ENTPD1: variants seen among roughly 807,000 people sequenced by gnomAD.
ENTPD1 encodes ectonucleoside triphosphate diphosphohydrolase 1.
Under a neutral mutation model 57.0 loss-of-function variants are expected in ENTPD1, and 33 were observed. That is an observed-to-expected ratio of 0.58 (90% CI 0.44 to 0.77). The LOEUF (loss-of-function observed/expected upper bound fraction) is 0.77, where lower values mean the gene tolerates loss of function less well. Ranked by LOEUF, ENTPD1 falls within the 30% of genes least tolerant of loss-of-function variation. The pLI, the probability that ENTPD1 is intolerant of heterozygous loss-of-function variation, is 0.00. For synonymous variants in ENTPD1, 202 were observed against 218.8 expected, an observed-to-expected ratio of 0.92 and a Z score of 0.68; for missense variants, 501 against 603.4, an observed-to-expected ratio of 0.83 and a Z score of 1.78.
At chr10:95,841,230 C>CA (rs1011802160) in intron 3 of ENTPD1, among the ~76,000 whole-genome samples, 9 of 152,054 alleles carry the variant, frequency 5.9e-5, no homozygotes, top group African/African-American at 1.9e-4. Flanking sequence ...ACTAAAAATA[C>CA]AAAAAAATTA....
At chr10:95,779,221 C>T (rs1300923672) in intron 1 of ENTPD1, among the ~76,000 whole-genome samples, 1 of 152,216 alleles carries the variant, frequency 6.6e-6, no homozygotes, top group East Asian at 1.9e-4. Flanking sequence ...GAGATCCTCT[C>T]CCATTTCTAC....
chr10:95,825,532 A>G (rs984412267), intron 2 of ENTPD1, among the ~76,000 whole-genome samples: 11 of 152,078 alleles, frequency 7.2e-5, no homozygotes, highest in African/African-American at 2.7e-4. Context: ...GTACTGATAC[A>G]TGTTTTTTGT....
At position 95,867,069 on chromosome 10, in the gene ENTPD1, T is replaced by C; in HGVS notation, c.*686T>C. The C allele has an allele frequency of 1.0e-6, 1 of 987,150 alleles. No individual in the cohort carries two copies. The highest frequency in any genetic ancestry group is 1.2e-6 in the Non-Finnish European group (1 of 831,130). The allele number at this position is 987,150 out of a possible 1,614,324, so 61.1% of individuals were successfully genotyped here. A position where few individuals can be genotyped will look rare whatever the true frequency, so the allele number is the denominator to read the frequency against. ...AGAGTGGAACACTCAGACCTGAGAT[T>C]TGCAAAAAGCAGATGTAAATATATG... On this transcript the variant is annotated 3_prime_UTR_variant, in exon 10 of 10. Transcript: ENST00000371205.
Position 95,791,583 on chromosome 10 carries a change from C to A in ENTPD1, c.17-31654C>A, listed in dbSNP as rs1398777510. Among the ~76,000 whole-genome samples the A allele has an allele frequency of 1.3e-5, 2 of 152,174 alleles. No individual in the cohort carries two copies. The highest frequency in any genetic ancestry group is 2.9e-5 in the Non-Finnish European group (2 of 68,034). The stretch of plus-strand genomic sequence containing the variant: ...ACATGTCTGGCAATGGCTTAGACTA[C>A]CTGGATATGCACTTCTGTCCCATCA... On this transcript the variant is annotated intron_variant, in intron 1 of 9. Coordinates refer to ENST00000371205, the MANE Select transcript of ENTPD1 (RefSeq NM_001776.6). This position sits in a 1 kb window ranked among gnomAD's most constrained non-coding sequence, Gnocchi z 4.1.
chr10:95,754,651 A>G (rs1297834410), upstream of ENTPD1: 2 of 152,254 alleles, frequency 1.3e-5, no homozygotes, highest in African/African-American at 2.4e-5. Flanking sequence ...TCATAACAGG[A>G]TGAATATCAG....
the ENTPD1 span, among the ~76,000 whole-genome samples, chr10:95,696,596 A>G: frequency 6.6e-6 from 1 of 152,174 alleles, no homozygotes; most frequent in East Asian, 1.9e-4. Context: ...GCTGTTTTGT[A>G]TTTGTAAGAA....
chr10:95,756,347 C>T, intron 1 of ENTPD1, 92 bp downstream of exon 1: 1 of 1,393,262 alleles, frequency 7.2e-7, no homozygotes, highest in Non-Finnish European at 9.8e-7. Flanking sequence ...TACTTGAAAG[C>T]TGGAGGCAAA....
At chr10:95,724,410 G>A (rs924212191) in intron 1 of ENTPD1, among the ~76,000 whole-genome samples, 1 of 152,100 alleles carries the variant, frequency 6.6e-6, no homozygotes, top group Non-Finnish European at 1.5e-5. Flanking sequence ...CCAAGATCGT[G>A]GGCCATTTCC....
At chr10:95,784,039 A>T (rs1170803178) in intron 1 of ENTPD1, among the ~76,000 whole-genome samples, 1 of 150,362 alleles carries the variant, frequency 6.7e-6, no homozygotes, top group Admixed American at 6.6e-5. Context: ...CGATTACTAT[A>T]TCCTGCCTTC....
chr10:95,759,610 C>T (rs1426294653), intron 1 of ENTPD1, among the ~76,000 whole-genome samples: 1 of 152,216 alleles, frequency 6.6e-6, no homozygotes, highest in Non-Finnish European at 1.5e-5. Context: ...TCCCTTTCCT[C>T]TTCCTGGCAT....
intron 1 of ENTPD1, among the ~76,000 whole-genome samples, chr10:95,784,715 A>G (rs1174981160): frequency 6.6e-6 from 1 of 152,140 alleles, no homozygotes; most frequent in Admixed American, 6.5e-5. Context: ...GCTGGCAGAC[A>G]ATGAGGAAGG....
chr10:95,752,049 G>A (rs1477695789), upstream of ENTPD1, among the ~76,000 whole-genome samples: 6 of 152,170 alleles, frequency 3.9e-5, no homozygotes, highest in African/African-American at 1.4e-4. Context: ...CATGAGGGGG[G>A]TTCTGGAAAA....
chr10:95,772,925 A>T (rs1372468357), intron 1 of ENTPD1, among the ~76,000 whole-genome samples: 2 of 152,208 alleles, frequency 1.3e-5, no homozygotes, highest in Non-Finnish European at 2.9e-5. Flanking sequence ...GGAAATTTAT[A>T]AAGAAAGAAA....
Position 95,716,419 on chromosome 10 carries a change from T to C in ENTPD1, c.37+4426T>C, listed in dbSNP as rs2097971574. 2.0e-5 allele frequency among the ~76,000 whole-genome samples: 3 copies of C among 152,190 alleles called. No homozygotes were observed. In the South Asian group the frequency reaches 6.2e-4, roughly 32 times the overall value. ...TATGGTTTGTCGCCACCAAAACTCATGTTGAGGCTTGGTCCCCAGTGTAAC... is the reference window on the plus strand; with the variant it reads ...TATGGTTTGTCGCCACCAAAACTCACGTTGAGGCTTGGTCCCCAGTGTAAC... On this transcript the variant is annotated intron_variant, in intron 1 of 9. Coordinates refer to the ENTPD1 transcript ENST00000453258.
At chr10:95,805,822 A>G (rs1241074822) in intron 1 of ENTPD1, among the ~76,000 whole-genome samples, 2 of 152,210 alleles carry the variant, frequency 1.3e-5, no homozygotes, top group Admixed American at 1.3e-4. Context: ...ATTGGCCCCC[A>G]TTCTCTTCTG....
chr10:95,841,730 C>T (rs1222795473), intron 3 of ENTPD1, among the ~76,000 whole-genome samples: 1 of 152,146 alleles, frequency 6.6e-6, no homozygotes, highest in African/African-American at 2.4e-5. Context: ...GGCTCTAATC[C>T]TCCATAGCAA....
intron 1 of ENTPD1, among the ~76,000 whole-genome samples, chr10:95,787,673 G>A (rs983558944): frequency 1.3e-5 from 2 of 152,120 alleles, no homozygotes; most frequent in African/African-American, 4.8e-5. Flanking sequence ...AGTATCTCGA[G>A]GGGAGTTTGC....
intron 1 of ENTPD1, among the ~76,000 whole-genome samples, chr10:95,735,494 T>G (rs190750197): frequency 6.6e-6 from 1 of 152,352 alleles, no homozygotes; most frequent in Non-Finnish European, 1.5e-5. Flanking sequence ...AAGTTATTTG[T>G]AACAGTAGTT....
At chr10:95,859,760 T>C (rs2098462067) in intron 7 of ENTPD1, among the ~76,000 whole-genome samples, 2 of 152,210 alleles carry the variant, frequency 1.3e-5, no homozygotes, top group South Asian at 4.1e-4. Flanking sequence ...ATATGTATCA[T>C]AGAATGAGAA....
Sources: allele counts gnomAD v4.1 joint callset (sites outside exome capture counted in the v4.1 genomes callset), GRCh38; gene constraint gnomAD v4.1.1; non-coding constraint Gnocchi (gnomAD v3.1); transcripts MANE v1.5; gene names NCBI Gene and HGNC (gene_info 2026-07-23, HGNC 2026-07-21).